DLG1: variants seen among roughly 807,000 people sequenced by gnomAD.
DLG1 encodes discs large MAGUK scaffold protein 1.
A neutral mutation model predicts 123.4 loss-of-function variants in DLG1; 42 were observed. The observed-to-expected ratio is 0.34, with a 90% CI of 0.27 to 0.44. The LOEUF (loss-of-function observed/expected upper bound fraction) is 0.44. DLG1 is among the 20% of genes least tolerant of loss of function. DLG1 has a pLI of 1.00. For synonymous variants in DLG1, 317 were observed against 356.2 expected (o/e 0.89, Z 1.24); for missense variants, 942 against 1,082.6 (o/e 0.87, Z 1.82).
chr3:197,240,883 A>T (rs1455521493), intron 4 of DLG1, among the ~76,000 whole-genome samples: 1 of 151,002 alleles, frequency 6.6e-6, no homozygotes, highest in African/African-American at 2.4e-5. Flanking sequence ...AAGAATGAAA[A>T]GCAACAAAGA....
chr3:197,156,886 A>C (rs1796626421), intron 5 of DLG1, among the ~76,000 whole-genome samples: 1 of 152,248 alleles, frequency 6.6e-6, no homozygotes. Context: ...AATGGGCAGA[A>C]CAACCAGACA....
At chr3:197,117,892 G>A (rs953655569) in intron 12 of DLG1, among the ~76,000 whole-genome samples, 2 of 151,892 alleles carry the variant, frequency 1.3e-5, no homozygotes, top group Non-Finnish European at 2.9e-5. Context: ...TTAAACAGGT[G>A]AAATTTATGA....
intron 13 of DLG1, among the ~76,000 whole-genome samples, chr3:197,105,647 CAGA>C (rs1003416274): frequency 4.6e-5 from 7 of 152,124 alleles, no homozygotes; most frequent in Non-Finnish European, 7.3e-5. Context: ...AATCCTACTC[CAGA>C]AGAAGAGGCA....
chr3:197,178,241 G>A (rs917305273), intron 5 of DLG1, among the ~76,000 whole-genome samples: 1 of 152,128 alleles, frequency 6.6e-6, no homozygotes, highest in Non-Finnish European at 1.5e-5. Context: ...ACATATTATT[G>A]AATCAGTAGT....
chr3:197,086,988 T>C (rs1442545855), intron 15 of DLG1, among the ~76,000 whole-genome samples: 1 of 152,194 alleles, frequency 6.6e-6, no homozygotes, highest in East Asian at 1.9e-4. Flanking sequence ...TTTTAATATA[T>C]TTGATTCATA....
chr3:197,151,490 A>T (rs1416908895), intron 5 of DLG1, among the ~76,000 whole-genome samples: 1 of 152,220 alleles, frequency 6.6e-6, no homozygotes, highest in Non-Finnish European at 1.5e-5. Context: ...ATAAGGTGTT[A>T]TATTTACTTC....
chr3:197,179,460 A>T lies in DLG1; in HGVS notation c.483+14965T>A, dbSNP rs190518429. 3.9e-5 allele frequency among the ~76,000 whole-genome samples: 6 copies of T among 152,324 alleles called. No individual in the cohort carries two copies. In the East Asian group the frequency reaches 1.2e-3, roughly 29 times the overall value. On this transcript the variant is annotated intron_variant, in intron 5 of 24. Coordinates refer to ENST00000667157, the MANE Select transcript of DLG1 (RefSeq NM_001366207.1). ...TGTTGAGATCTCTGGTTCTTAAAAA[A>T]AGTGGATGGCTTGTACTTACAAATT... is the stretch of plus-strand genomic sequence containing the variant.
chr3:197,155,924 G>C (rs879676756), intron 5 of DLG1, among the ~76,000 whole-genome samples: 1 of 152,044 alleles, frequency 6.6e-6, no homozygotes, highest in African/African-American at 2.4e-5. Flanking sequence ...ACTCCAGCCT[G>C]GGCTACAGAA....
chr3:197,246,407 TTAG>T (rs1368618923), intron 4 of DLG1, among the ~76,000 whole-genome samples: 1 of 152,176 alleles, frequency 6.6e-6, no homozygotes, highest in East Asian at 1.9e-4. Flanking sequence ...TCATCTCTCT[TTAG>T]TAAGGGAGCT....
chr3:197,135,470 C>T (rs1385260793), intron 10 of DLG1, among the ~76,000 whole-genome samples: 7 of 152,282 alleles, frequency 4.6e-5, no homozygotes, highest in African/African-American at 1.7e-4. Flanking sequence ...TTTCCCCCAC[C>T]CTCCACCATG....
At chr3:197,163,661 A>G (rs1366652641) in intron 5 of DLG1, among the ~76,000 whole-genome samples, 2 of 149,730 alleles carry the variant, frequency 1.3e-5, no homozygotes, top group East Asian at 2.0e-4. Context: ...AGCTGGGATG[A>G]CAGGCACCTG....
At chr3:197,062,456 C>T (rs1736523386) in intron 22 of DLG1, among the ~76,000 whole-genome samples, 2 of 152,140 alleles carry the variant, frequency 1.3e-5, no homozygotes, top group South Asian at 4.1e-4. Context: ...ATGGACTCTA[C>T]GATTTTTATT....
At chr3:197,153,648 A>G (rs1034692905) in intron 5 of DLG1, among the ~76,000 whole-genome samples, 1 of 152,178 alleles carries the variant, frequency 6.6e-6, no homozygotes, top group African/African-American at 2.4e-5. Context: ...AAAGAGCTGG[A>G]GGCCTCCCCT....
chr3:197,169,553 GA>G (rs1803081065), intron 5 of DLG1, among the ~76,000 whole-genome samples: 1 of 152,098 alleles, frequency 6.6e-6, no homozygotes, highest in Non-Finnish European at 1.5e-5. Context: ...AGGTATAAAA[GA>G]GTTGCAAGGC....
rs757061186 is a variant in DLG1, at chr3:197,065,685, AT to A, written c.2200+22del. ...AGGAAATGTTAAGAGTAACAATTAA[AT>A]GTTTTTGTTTGGTTTACTTACGAGG... On this transcript the variant is annotated intron_variant, in intron 21 of 24. Transcript: ENST00000667157. The A allele has an allele frequency of 3.4e-6, 5 of 1,481,874 alleles. No individual in the cohort carries two copies. In the African/African-American group the frequency reaches 7.0e-5, roughly 21 times the overall value. 91.8% of individuals were successfully genotyped at this position (1,481,874 alleles called of 1,614,324 possible).
intron 6 of DLG1, 69 bp downstream of exon 6, chr3:197,149,674 C>A (rs192978402): frequency 7.4e-6 from 7 of 950,328 alleles, no homozygotes; most frequent in Non-Finnish European, 1.2e-5. Flanking sequence ...CCATGGTCTT[C>A]GCATTTGTAT....
At chr3:197,157,450 G>A (rs1213002545) in intron 5 of DLG1, among the ~76,000 whole-genome samples, 2 of 152,070 alleles carry the variant, frequency 1.3e-5, no homozygotes, top group African/African-American at 4.8e-5. Context: ...CAAATTTTCA[G>A]AACACTGAGC....
chr3:197,074,114 T>C (rs1347739560), intron 18 of DLG1, among the ~76,000 whole-genome samples: 1 of 152,134 alleles, frequency 6.6e-6, no homozygotes, highest in Non-Finnish European at 1.5e-5. Flanking sequence ...ATATCATCTA[T>C]TTTATGTGAT....
chr3:197,288,737 A>ACAT (rs1773210548), intron 3 of DLG1, among the ~76,000 whole-genome samples: 1 of 57,316 alleles, frequency 1.7e-5, no homozygotes, highest in Non-Finnish European at 3.3e-5. Flanking sequence ...AAAAAAAAAA[A>ACAT]AAAAAAATAC....
Sources: gnomAD v4.1 joint callset for allele counts (sites outside exome capture counted in the v4.1 genomes callset) on GRCh38, gnomAD v4.1.1 for gene constraint, MANE v1.5 for transcripts, NCBI Gene and HGNC (gene_info 2026-07-23, HGNC 2026-07-21) for gene names.